Variants in RIMS1 observed in about 807,000 individuals in gnomAD.
The protein encoded by RIMS1 is regulating synaptic membrane exocytosis 1.
A neutral mutation model predicts 214.1 loss-of-function variants in RIMS1; 83 were observed. The ratio of observed to expected loss-of-function variants is 0.39; its 90% CI spans 0.32 to 0.47. The LOEUF (loss-of-function observed/expected upper bound fraction) is 0.47. Among genes scored for constraint, RIMS1 ranks in the 20% least tolerant of loss-of-function variants. RIMS1 has a pLI of 0.99. For missense variants in RIMS1, 2,050 were observed against 2,161.8 expected (o/e 0.95, Z 1.03); for synonymous variants, 793 against 786.8 (o/e 1.01, Z -0.13).
At chr6:72,327,686 A>G (rs1303228329) in intron 28 of RIMS1, among the ~76,000 whole-genome samples, 2 of 151,802 alleles carry the variant, frequency 1.3e-5, no homozygotes, top group East Asian at 3.9e-4. Flanking sequence ...GTTATTGTCT[A>G]TTTTTTATTA....
At chr6:72,216,063 G>A (rs983707778) in intron 6 of RIMS1, among the ~76,000 whole-genome samples, 1 of 152,162 alleles carries the variant, frequency 6.6e-6, no homozygotes, top group Non-Finnish European at 1.5e-5. Context: ...TAGATGATTA[G>A]AGAAGTGTAT....
At chr6:72,356,671 A>G (rs898809374) in intron 29 of RIMS1, among the ~76,000 whole-genome samples, 1 of 152,036 alleles carries the variant, frequency 6.6e-6, no homozygotes, top group African/African-American at 2.4e-5. Context: ...GAGGCAGGAG[A>G]ATCGCTTGAA....
chr6:72,031,162 G>A (rs1301613110), intron 2 of RIMS1, among the ~76,000 whole-genome samples: 1 of 152,108 alleles, frequency 6.6e-6, no homozygotes, highest in African/African-American at 2.4e-5. Context: ...AGATTACACA[G>A]ATGGTCATAA....
chr6:72,023,216 G>A (rs1383858612), intron 2 of RIMS1, among the ~76,000 whole-genome samples: 1 of 152,120 alleles, frequency 6.6e-6, no homozygotes, highest in Middle Eastern at 3.2e-3. Context: ...CTCTGAAAGA[G>A]CAAGAAAAAT....
chr6:72,195,334 T>C (rs951306757), intron 6 of RIMS1, among the ~76,000 whole-genome samples: 2 of 152,124 alleles, frequency 1.3e-5, no homozygotes, highest in Non-Finnish European at 2.9e-5. Flanking sequence ...CAAGGGGCAG[T>C]TGGTTGGTTT....
chr6:72,387,738 C>G (rs1217378695), intron 29 of RIMS1, among the ~76,000 whole-genome samples: 1 of 152,086 alleles, frequency 6.6e-6, no homozygotes, highest in Non-Finnish European at 1.5e-5. Flanking sequence ...GAGTATAAAT[C>G]ACTACAATGT....
chr6:72,122,591 G>A (rs565189109), intron 4 of RIMS1, among the ~76,000 whole-genome samples: 1 of 151,872 alleles, frequency 6.6e-6, no homozygotes, highest in East Asian at 1.9e-4. Context: ...ATTTGGCTGT[G>A]AATTTGTCTG....
rs187035611 is a variant in RIMS1 at position 72,101,451 on chromosome 6, G to A, written c.471+1465G>A. 1.4e-3 allele frequency among the ~76,000 whole-genome samples: 216 copies of A among 152,060 alleles called. 1 individual carries two copies. Among genetic ancestry groups the A allele is most frequent in the African/African-American group, 5.0e-3 (206 of 41,548 alleles). On this transcript the variant is annotated intron_variant, in intron 4 of 33. Coordinates refer to ENST00000521978, the MANE Select transcript of RIMS1 (RefSeq NM_014989.7). ...ATGGCCTTTCTAGCCAAGGGAAACT[G>A]AAGCCACATTTTGTCTTAGCCATGT... is the stretch of plus-strand genomic sequence containing the variant.
intron 8 of RIMS1, among the ~76,000 whole-genome samples, chr6:72,237,558 CTAGGCT>C (rs1324172797): frequency 2.6e-5 from 4 of 151,534 alleles, no homozygotes; most frequent in Non-Finnish European, 4.4e-5. Flanking sequence ...TGCCTGTGGT[CTAGGCT>C]ACTTGGTAGG....
chr6:72,035,269 G>A (rs1005496419), intron 2 of RIMS1, among the ~76,000 whole-genome samples: 1 of 152,040 alleles, frequency 6.6e-6, no homozygotes, highest in Non-Finnish European at 1.5e-5. Flanking sequence ...TCATGGTGTT[G>A]TTAATATATC....
intron 2 of RIMS1, among the ~76,000 whole-genome samples, chr6:72,041,475 G>GA (rs753199405): frequency 5.5e-4 from 83 of 151,946 alleles, no homozygotes; most frequent in Middle Eastern, 3.4e-3. Flanking sequence ...TTAAAAAGCG[G>GA]AAAAATGAGA....
rs549027737 is a variant in RIMS1, at chr6:72,128,124, T to G, written c.471+28138T>G. On this transcript the variant is annotated intron_variant, in intron 4 of 33. Coordinates refer to ENST00000521978, the MANE Select transcript of RIMS1 (RefSeq NM_014989.7). ...CCTGCTGAAGTTAGACTACTCTTCC[T>G]CACAAACCTAGAGAGGGGCGCTATC... is the stretch of plus-strand genomic sequence containing the variant. 5.0e-4 allele frequency among the ~76,000 whole-genome samples: 76 copies of G among 152,278 alleles called. 1 individual carries two copies. The highest frequency in any genetic ancestry group is 1.8e-3 in the African/African-American group (74 of 41,562).
At chr6:72,350,143 A>T (rs2154368698) in intron 29 of RIMS1, among the ~76,000 whole-genome samples, 1 of 152,208 alleles carries the variant, frequency 6.6e-6, no homozygotes, top group Admixed American at 6.6e-5. Flanking sequence ...TTTGTGGGAA[A>T]AATATTTAAT....
At position 72,182,827 on chromosome 6, in the gene RIMS1, C is replaced by G. The variant is rs1410601057; in HGVS notation, c.1356C>G (p.Pro452=). 2.6e-6 allele frequency: 4 copies of G among 1,550,964 alleles called. No homozygotes were observed. Among genetic ancestry groups the G allele is most frequent in the Non-Finnish European group, 3.5e-6 (4 of 1,150,448 alleles). ...KQLTNHSPPA[P]RHGPVPAEAP... ...TAACGAACCACAGCCCGCCGGCGCC[C>G]AGACATGGGCCGGTTCCCGCAGAAG... The change falls in exon 6 of 34, where the codon CCC becomes CCG. Residue 452 remains proline (P), a synonymous_variant. Transcript: ENST00000521978.
chr6:72,097,185 GGGC>G, intron 3 of RIMS1, 23 bp downstream of exon 3: 1 of 1,602,676 alleles, frequency 6.2e-7, no homozygotes, highest in Non-Finnish European at 8.5e-7. Context: ...TGAACATAAG[GGGC>G]GTTGTGAATG....
At chr6:72,389,966 G>A (rs980630793) in intron 29 of RIMS1, among the ~76,000 whole-genome samples, 3 of 152,150 alleles carry the variant, frequency 2.0e-5, no homozygotes, top group African/African-American at 7.2e-5. Context: ...GAGTCAAAAG[G>A]CCATGAGGTA....
At chr6:71,915,803 G>A (rs1394664020) in intron 1 of RIMS1, among the ~76,000 whole-genome samples, 1 of 152,130 alleles carries the variant, frequency 6.6e-6, no homozygotes, top group Non-Finnish European at 1.5e-5. Flanking sequence ...AAGGAAAGAG[G>A]TTTGATGGAC....
At chr6:72,271,725 T>A (rs1005679349) in intron 22 of RIMS1, among the ~76,000 whole-genome samples, 5 of 152,172 alleles carry the variant, frequency 3.3e-5, no homozygotes, top group African/African-American at 1.2e-4. Context: ...CTTATGTCAA[T>A]AGCACTGTCT....
chr6:72,332,884 CAT>C (rs1337144189), intron 28 of RIMS1, among the ~76,000 whole-genome samples: 1 of 151,284 alleles, frequency 6.6e-6, no homozygotes, highest in African/African-American at 2.4e-5. Context: ...AAGCTGGTAA[CAT>C]AGACAAGTTT....
Sources: gnomAD v4.1 joint callset for allele counts (sites outside exome capture counted in the v4.1 genomes callset) on GRCh38, gnomAD v4.1.1 for gene constraint, MANE v1.5 for transcripts, NCBI Gene and HGNC (gene_info 2026-07-23, HGNC 2026-07-21) for gene names.